VTI1A: variants seen among roughly 807,000 people sequenced by gnomAD.
VTI1A encodes the protein vesicle transport through interaction with t-SNAREs homolog 1A.
Under a neutral mutation model 34.9 loss-of-function variants are expected in VTI1A, and 22 were observed. The observed-to-expected ratio is 0.63, with a 90% CI of 0.45 to 0.90. The LOEUF is 0.90. VTI1A is among the 40% of genes least tolerant of loss of function. The probability of loss-of-function intolerance (pLI) is 0.00; values close to 1 mark genes in which losing one functional copy is unlikely to be tolerated. For synonymous variants in VTI1A, 87 were observed against 97.3 expected (o/e 0.89, Z 0.62); for missense variants, 268 against 275.6 (o/e 0.97, Z 0.20).
At chr10:112,771,284 T>C (rs967688394) in intron 7 of VTI1A, among the ~76,000 whole-genome samples, 1 of 152,206 alleles carries the variant, frequency 6.6e-6, no homozygotes, top group South Asian at 2.1e-4. Flanking sequence ...CAACACGCAG[T>C]GTGGAGCCTG....
At chr10:112,700,373 A>G (rs1454161446) in intron 7 of VTI1A, among the ~76,000 whole-genome samples, 1 of 152,198 alleles carries the variant, frequency 6.6e-6, no homozygotes, top group Non-Finnish European at 1.5e-5. Context: ...CAAAGAGCTT[A>G]TTGAAAAGCA....
intron 7 of VTI1A, among the ~76,000 whole-genome samples, chr10:112,785,910 C>T (rs920592028): frequency 1.2e-4 from 19 of 152,116 alleles, no homozygotes; most frequent in African/African-American, 4.6e-4. Context: ...AGTCTTCCAA[C>T]TTTGTTCTTC....
At chr10:112,730,573 AT>A (rs140034551) in intron 7 of VTI1A, among the ~76,000 whole-genome samples, 19 of 149,568 alleles carry the variant, frequency 1.3e-4, no homozygotes, top group Middle Eastern at 3.5e-3. Context: ...TACTTTTAGG[AT>A]TTTTTTTTTA....
At chr10:112,534,475 T>C (rs1850553918) in intron 4 of VTI1A, among the ~76,000 whole-genome samples, 2 of 151,424 alleles carry the variant, frequency 1.3e-5, no homozygotes, top group South Asian at 4.1e-4. Context: ...TTTGACTGCA[T>C]TGATTGAGAA....
intron 7 of VTI1A, among the ~76,000 whole-genome samples, chr10:112,777,322 G>T (rs1240224544): frequency 6.6e-6 from 1 of 152,170 alleles, no homozygotes; most frequent in Non-Finnish European, 1.5e-5. Context: ...AATTACTGTG[G>T]TGGGGGTGGA....
intron 7 of VTI1A, among the ~76,000 whole-genome samples, chr10:112,684,382 A>C (rs1015823874): frequency 4.0e-5 from 6 of 151,628 alleles, no homozygotes; most frequent in Non-Finnish European, 5.9e-5. Flanking sequence ...ATCTTCATTC[A>C]TAAACTATAT....
chr10:112,703,310 G>A (rs529712382), intron 7 of VTI1A, among the ~76,000 whole-genome samples: 1 of 152,174 alleles, frequency 6.6e-6, no homozygotes, highest in South Asian at 2.1e-4. Flanking sequence ...GCTCACGCCT[G>A]TAACCCCAGC....
intron 5 of VTI1A, among the ~76,000 whole-genome samples, chr10:112,621,125 T>C (rs1468175216): frequency 1.3e-5 from 2 of 152,208 alleles, no homozygotes; most frequent in Non-Finnish European, 2.9e-5. Flanking sequence ...TATTAACTTG[T>C]AAACTCTAAG....
At chr10:112,771,521 G>A (rs964401126) in intron 7 of VTI1A, among the ~76,000 whole-genome samples, 5 of 152,118 alleles carry the variant, frequency 3.3e-5, no homozygotes, top group African/African-American at 4.8e-5. Flanking sequence ...GAGTTTGGGG[G>A]TACTTTTTTT....
chr10:112,464,456 G>A, intron 2 of VTI1A, 91 bp from the exon 3 acceptor site: 1 of 1,141,118 alleles, frequency 8.8e-7, no homozygotes, highest in African/African-American at 1.6e-5. Context: ...TACAAAATGA[G>A]GAACTGGAAT....
chr10:112,591,518 T>TCACACACACA (rs61256241), intron 5 of VTI1A, among the ~76,000 whole-genome samples: 2,345 of 150,802 alleles, frequency 0.016, 36 homozygotes, highest in African/African-American at 0.029. Context: ...AGACTCCGTC[T>TCACACACACA]CACACACACA....
intron 7 of VTI1A, among the ~76,000 whole-genome samples, chr10:112,728,226 T>C (rs1266933668): frequency 6.6e-6 from 1 of 151,874 alleles, no homozygotes; most frequent in Non-Finnish European, 1.5e-5. Context: ...AGAAACATTA[T>C]CTGCTAAAAG....
At chr10:112,850,855 C>T in the VTI1A span, among the ~76,000 whole-genome samples, 41 of 152,114 alleles carry the variant, frequency 2.7e-4, no homozygotes, top group Non-Finnish European at 1.8e-4. Flanking sequence ...TCCATGAAGC[C>T]GACCCTGATT....
At chr10:112,728,127 C>T (rs1850108616) in intron 7 of VTI1A, among the ~76,000 whole-genome samples, 1 of 152,188 alleles carries the variant, frequency 6.6e-6, no homozygotes, top group African/African-American at 2.4e-5. Flanking sequence ...AGGAAAGTTT[C>T]TCAGGTTCTG....
intron 7 of VTI1A, among the ~76,000 whole-genome samples, chr10:112,678,558 C>G (rs1286523888): frequency 6.6e-6 from 1 of 152,190 alleles, no homozygotes; most frequent in South Asian, 2.1e-4. Context: ...CTTTATAAAT[C>G]GAGAGTTAGG....
At chr10:112,737,918 T>G (rs1365899476) in intron 7 of VTI1A, 1 of 1,062,584 alleles carries the variant, frequency 9.4e-7, no homozygotes, top group East Asian at 5.0e-5. Context: ...GAGCTGAGGA[T>G]GGAGGTATGT....
chr10:112,627,686 G>A (rs559090021), intron 5 of VTI1A, among the ~76,000 whole-genome samples: 3 of 152,192 alleles, frequency 2.0e-5, no homozygotes, highest in South Asian at 2.1e-4. Context: ...TTTATAATGA[G>A]ATTATTTATT....
intron 5 of VTI1A, among the ~76,000 whole-genome samples, chr10:112,603,868 G>A (rs1844974440): frequency 6.6e-6 from 1 of 152,044 alleles, no homozygotes; most frequent in Admixed American, 6.6e-5. Flanking sequence ...ACTCTTGGTA[G>A]ATGACAACAC....
the VTI1A span, among the ~76,000 whole-genome samples, chr10:112,854,752 G>A: frequency 2.6e-5 from 4 of 152,210 alleles, no homozygotes; most frequent in Non-Finnish European, 2.9e-5. Flanking sequence ...GGCGACACCA[G>A]TATGTAGGGA....
Sources: gnomAD v4.1 joint callset for allele counts (sites outside exome capture counted in the v4.1 genomes callset) on GRCh38, gnomAD v4.1.1 for gene constraint, MANE v1.5 for transcripts, NCBI Gene and HGNC (gene_info 2026-07-23, HGNC 2026-07-21) for gene names.